Variants in PSD3 observed in about 807,000 individuals in gnomAD.
PSD3 encodes pleckstrin and Sec7 domain containing 3, also known as PH and SEC7 domain-containing protein 3.
PSD3 carries 49 observed loss-of-function variants against 105.5 expected under a neutral mutation model. The ratio of observed to expected loss-of-function variants is 0.46; its 90% confidence interval spans 0.37 to 0.59. PSD3 has a LOEUF of 0.59. PSD3 is among the 20% of genes least tolerant of loss of function. The pLI, the probability that PSD3 is intolerant of heterozygous loss-of-function variation, is 0.00. For synonymous variants in PSD3, 557 were observed against 457.8 expected (o/e 1.22, Z -2.77); for missense variants, 1,561 against 1,263.8 (o/e 1.24, Z -3.57).
At chr8:19,075,447 C>A (rs1389902169) in intron 1 of PSD3, among the ~76,000 whole-genome samples, 1 of 152,192 alleles carries the variant, frequency 6.6e-6, no homozygotes, top group Admixed American at 6.5e-5. Context: ...CAATTCACTG[C>A]ATGTATGTAT....
chr8:19,064,684 G>A (rs73668926), intron 1 of PSD3, among the ~76,000 whole-genome samples: 1,677 of 152,164 alleles, frequency 0.011, 28 homozygotes, highest in African/African-American at 0.038. Flanking sequence ...AAAAACGTTA[G>A]GAATAAAATT....
chr8:18,625,668 C>T (rs1227961228), intron 11 of PSD3, among the ~76,000 whole-genome samples: 1 of 152,138 alleles, frequency 6.6e-6, no homozygotes, highest in Non-Finnish European at 1.5e-5. Context: ...TTGCTTTTAA[C>T]AATATGCTAC....
Position 18,865,286 on chromosome 8 carries a change from ATTTTTTTT to A in PSD3, c.1634+2380_1634+2387del, listed in dbSNP as rs375872604. The A allele has an allele frequency of 5.7e-4, 8 of 14,128 alleles. 1 individual carries two copies. Among genetic ancestry groups the A allele is most frequent in the African/African-American group, 1.9e-3 (6 of 3,220 alleles). 0.9% of individuals were successfully genotyped at this position (14,128 alleles called of 1,614,324 possible). ...TATATATATATATATATATATATAT[ATTTTTTTT>A]TTTTTTTTTTTTTTTAAAGGCTATC... On this transcript the variant is annotated intron_variant, in intron 4 of 15. Transcript: ENST00000327040.
chr8:18,563,251 G>A (rs1801511125), intron 14 of PSD3, among the ~76,000 whole-genome samples: 1 of 152,136 alleles, frequency 6.6e-6, no homozygotes, highest in South Asian at 2.1e-4. Flanking sequence ...TGAGGGCCAA[G>A]GCAATTGTCT....
chr8:18,675,565 C>T (rs1451307233), intron 9 of PSD3, among the ~76,000 whole-genome samples: 4 of 152,012 alleles, frequency 2.6e-5, no homozygotes, highest in Non-Finnish European at 4.4e-5. Context: ...AGAGCCTCAG[C>T]CAGCCCGTTC....
chr8:18,936,020 G>C lies in PSD3; in HGVS notation c.130+14C>G, dbSNP rs377618137. ...TATAGTTTACCTGGGAGAGGGATAT[G>C]AGGAAATACTTACTAGTATCTGGAG... On this transcript the variant is annotated intron_variant, in intron 2 of 15. Coordinates refer to ENST00000327040, the MANE Select transcript of PSD3 (RefSeq NM_015310.4). 3.3e-6 allele frequency: 5 copies of C among 1,536,328 alleles called. No individual in the cohort carries two copies. Among genetic ancestry groups the C allele is most frequent in the African/African-American group, 1.4e-5 (1 of 73,350 alleles).
chr8:18,528,408 T>G lies in PSD3; in HGVS notation c.*7335A>C, dbSNP rs1472561528. The G allele has an allele frequency of 1.3e-5, 2 of 152,240 alleles. No homozygotes were observed. Among genetic ancestry groups the G allele is most frequent in the Non-Finnish European group, 2.9e-5 (2 of 68,046 alleles). 9.4% of individuals were successfully genotyped at this position (152,240 alleles called of 1,614,324 possible). On this transcript the variant is annotated 3_prime_UTR_variant, in exon 16 of 16. Coordinates refer to ENST00000327040, the MANE Select transcript of PSD3 (RefSeq NM_015310.4). ...CGTGGTGTTAACTTCACTCAGAGAA[T>G]CTTTGTCATGACGTTTGTTCATGTG...
chr8:18,727,580 A>G (rs868207395), intron 9 of PSD3, among the ~76,000 whole-genome samples: 6 of 148,638 alleles, frequency 4.0e-5, no homozygotes, highest in Middle Eastern at 3.4e-3. Context: ...ACACACACAC[A>G]CACGCACGCA....
At chr8:18,786,558 C>T (rs980440144) in intron 8 of PSD3, among the ~76,000 whole-genome samples, 5 of 152,126 alleles carry the variant, frequency 3.3e-5, no homozygotes, top group African/African-American at 1.2e-4. Context: ...CTCACGTGGA[C>T]TTTGAAACAG....
intron 10 of PSD3, among the ~76,000 whole-genome samples, chr8:18,645,585 TG>T (rs1807972209): frequency 6.6e-6 from 1 of 152,246 alleles, no homozygotes; most frequent in Non-Finnish European, 1.5e-5. Flanking sequence ...TAGATTGTCT[TG>T]TAAGTTTGTT....
intron 9 of PSD3, among the ~76,000 whole-genome samples, chr8:18,694,301 A>T (rs990343592): frequency 3.3e-5 from 5 of 152,202 alleles, no homozygotes; most frequent in South Asian, 2.1e-4. Context: ...TACAAAACTC[A>T]AATTAACTAA....
chr8:19,026,839 C>A (rs562495759), intron 1 of PSD3, among the ~76,000 whole-genome samples: 3 of 151,928 alleles, frequency 2.0e-5, no homozygotes, highest in Non-Finnish European at 4.4e-5. Context: ...CATCACTGCA[C>A]TCTAGCCCTG....
intron 12 of PSD3, among the ~76,000 whole-genome samples, chr8:18,591,943 C>G (rs1001426845): frequency 5.9e-5 from 9 of 152,250 alleles, no homozygotes; most frequent in Admixed American, 3.9e-4. Context: ...TGGTGAGGGG[C>G]TTCTGCTGTA....
chr8:18,793,853 G>C (rs192602589), intron 8 of PSD3, among the ~76,000 whole-genome samples: 55 of 152,324 alleles, frequency 3.6e-4, no homozygotes, highest in African/African-American at 1.2e-3. Context: ...CAGATGCAGA[G>C]AGTTCTTGAG....
At chr8:18,846,879 G>C (rs1231921214) in intron 4 of PSD3, among the ~76,000 whole-genome samples, 1 of 152,084 alleles carries the variant, frequency 6.6e-6, no homozygotes, top group Admixed American at 6.6e-5. Flanking sequence ...TCATTTTAAA[G>C]ATGAGGTCAG....
At chr8:18,544,873 G>T (rs1200157464) in intron 15 of PSD3, among the ~76,000 whole-genome samples, 3 of 152,066 alleles carry the variant, frequency 2.0e-5, no homozygotes, top group African/African-American at 4.8e-5. Flanking sequence ...TCCTGGACAG[G>T]CCCTTCAGAG....
chr8:18,988,114 C>A (rs112371588), intron 1 of PSD3, among the ~76,000 whole-genome samples: 90 of 56,348 alleles, frequency 1.6e-3, no homozygotes, highest in South Asian at 7.8e-3. Context: ...TAAATAAATA[C>A]ATATATATAT....
intron 1 of PSD3, among the ~76,000 whole-genome samples, chr8:19,055,736 A>T (rs1207506053): frequency 6.6e-6 from 1 of 152,222 alleles, no homozygotes; most frequent in Non-Finnish European, 1.5e-5. Flanking sequence ...GTGCACTGAA[A>T]TGTCAAACCT....
intron 15 of PSD3, among the ~76,000 whole-genome samples, chr8:18,540,998 C>T (rs1218981635): frequency 6.6e-6 from 1 of 151,694 alleles, no homozygotes; most frequent in African/African-American, 2.4e-5. Flanking sequence ...CACAGGACTT[C>T]CTCCCTCCCC....
Sources: gnomAD v4.1 joint callset for allele counts (sites outside exome capture counted in the v4.1 genomes callset) on GRCh38, gnomAD v4.1.1 for gene constraint, MANE v1.5 for transcripts, NCBI Gene and HGNC (gene_info 2026-07-23, HGNC 2026-07-21) for gene names.